The following SNX7 variants were observed in gnomAD, a reference collection of about 807,000 sequenced individuals.
SNX7 encodes the protein sorting nexin 7, also known as sorting nexin-7.
SNX7 carries 35 observed loss-of-function variants against 48.4 expected under a neutral mutation model. The ratio of observed to expected loss-of-function variants is 0.72; its 90% CI spans 0.55 to 0.96. The LOEUF is 0.96. Ranked by LOEUF, SNX7 falls within the 40% of genes least tolerant of loss-of-function variation. SNX7 has a pLI of 0.00. For missense variants in SNX7, 553 were observed against 548.9 expected (o/e 1.01, Z -0.07); for synonymous variants, 190 against 190.2 (o/e 1.00, Z 0.01).
intron 7 of SNX7, among the ~76,000 whole-genome samples, chr1:98,733,526 G>A (rs767414725): frequency 2.0e-5 from 3 of 151,996 alleles, no homozygotes; most frequent in African/African-American, 7.3e-5. Flanking sequence ...TCACCTACTC[G>A]TACTCTAGGT....
At chr1:98,730,565 A>T (rs1215882670) in intron 7 of SNX7, among the ~76,000 whole-genome samples, 1 of 152,148 alleles carries the variant, frequency 6.6e-6, no homozygotes, top group Non-Finnish European at 1.5e-5. Context: ...GTCTCAGGAT[A>T]CAAATAAATG....
At chr1:98,691,393 C>A in intron 3 of SNX7, 142 bp from the exon 4 acceptor site, 1 of 796,198 alleles carries the variant, frequency 1.3e-6, no homozygotes. Context: ...ATTTTTGGTT[C>A]TAACATTGTG....
intron 7 of SNX7, among the ~76,000 whole-genome samples, chr1:98,721,824 G>A (rs1339044031): frequency 6.6e-6 from 1 of 151,908 alleles, no homozygotes; most frequent in East Asian, 1.9e-4. Flanking sequence ...AAAAGTACAG[G>A]GAATTACATC....
chr1:98,711,399 T>A (rs1248312044), intron 7 of SNX7, among the ~76,000 whole-genome samples: 1 of 152,076 alleles, frequency 6.6e-6, no homozygotes, highest in Admixed American at 6.6e-5. Flanking sequence ...ATATATTAAA[T>A]TAAATGCATT....
intron 1 of SNX7, among the ~76,000 whole-genome samples, chr1:98,667,932 A>G (rs529788986): frequency 2.4e-4 from 37 of 151,962 alleles, no homozygotes; most frequent in African/African-American, 8.9e-4. Flanking sequence ...AAAAAAACAA[A>G]ACAAACAAAC....
intron 7 of SNX7, among the ~76,000 whole-genome samples, chr1:98,732,865 G>A (rs1653586665): frequency 6.6e-6 from 1 of 152,066 alleles, no homozygotes; most frequent in Non-Finnish European, 1.5e-5. Flanking sequence ...CTTGATAATG[G>A]AGAGAGGTCT....
intron 8 of SNX7, 81 bp from the exon 9 acceptor site, chr1:98,759,973 A>C: frequency 1.1e-6 from 1 of 886,016 alleles, no homozygotes; most frequent in Non-Finnish European, 1.9e-6. Context: ...CAGTAGGAAC[A>C]GATGTGTTAG....
chr1:98,663,253 GTTTTTTTTTTTTTTTTTTTTTT>G (rs61588201), intron 1 of SNX7, among the ~76,000 whole-genome samples: 1 of 41,508 alleles, frequency 2.4e-5, no homozygotes, highest in African/African-American at 7.5e-5. Context: ...TTTCTTTCTG[GTTTTTTTTTTTTTTTTTTTTTT>G]TTTTTTTTTT....
chr1:98,732,706 A>G (rs573491495), intron 7 of SNX7, among the ~76,000 whole-genome samples: 20 of 152,242 alleles, frequency 1.3e-4, no homozygotes, highest in African/African-American at 4.8e-4. Context: ...AAGAGGTATC[A>G]AAGAGGTCAG....
At chr1:98,667,942 CA>C (rs199518789) in intron 1 of SNX7, among the ~76,000 whole-genome samples, 14 of 149,696 alleles carry the variant, frequency 9.4e-5, no homozygotes, top group Middle Eastern at 3.5e-3. Context: ...AACAAACAAA[CA>C]AAAAAAACAA....
At chr1:98,685,120 G>A in intron 2 of SNX7, 53 bp downstream of exon 2, 1 of 1,097,094 alleles carries the variant, frequency 9.1e-7, no homozygotes, top group African/African-American at 1.6e-5. Context: ...TTTAAGCTTT[G>A]GAAGTAAGTA....
At chr1:98,667,848 C>T (rs1649620637) in intron 1 of SNX7, among the ~76,000 whole-genome samples, 1 of 151,676 alleles carries the variant, frequency 6.6e-6, no homozygotes, top group African/African-American at 2.4e-5. Flanking sequence ...TGTATGTTCC[C>T]CTTTCCCTAA....
intron 8 of SNX7, among the ~76,000 whole-genome samples, chr1:98,744,917 T>A (rs1054826643): frequency 6.6e-6 from 1 of 152,002 alleles, no homozygotes; most frequent in Non-Finnish European, 1.5e-5. Context: ...AGACCTTTAC[T>A]TACCCAGAAG....
intron 7 of SNX7, among the ~76,000 whole-genome samples, chr1:98,736,627 C>CA (rs1163950352): frequency 6.6e-6 from 1 of 152,130 alleles, no homozygotes; most frequent in Non-Finnish European, 1.5e-5. Flanking sequence ...AAATAAAACA[C>CA]AGACACAGAC....
At chr1:98,725,482 T>G (rs943653330) in intron 7 of SNX7, among the ~76,000 whole-genome samples, 1 of 152,278 alleles carries the variant, frequency 6.6e-6, no homozygotes, top group East Asian at 1.9e-4. Context: ...GTATGGTACT[T>G]GGCATGAAGT....
At chr1:98,704,243 A>G (rs1402851242) in intron 7 of SNX7, among the ~76,000 whole-genome samples, 1 of 152,206 alleles carries the variant, frequency 6.6e-6, no homozygotes, top group Non-Finnish European at 1.5e-5. Context: ...TAGCTGCTAC[A>G]TTGTAAGACT....
chr1:98,709,881 T>C (rs1652209680), intron 7 of SNX7, among the ~76,000 whole-genome samples: 2 of 152,206 alleles, frequency 1.3e-5, no homozygotes, highest in Admixed American at 6.5e-5. Context: ...GTCTTTACTT[T>C]CTGTCTTTAA....
intron 4 of SNX7, 43 bp downstream of exon 4, chr1:98,691,742 G>A: frequency 1.4e-6 from 2 of 1,440,992 alleles, no homozygotes; most frequent in South Asian, 2.8e-5. Flanking sequence ...TTGGGTGTCT[G>A]TATCTATAGT....
intron 1 of SNX7, among the ~76,000 whole-genome samples, chr1:98,669,589 C>G (rs950752117): frequency 1.3e-5 from 2 of 152,196 alleles, no homozygotes; most frequent in Non-Finnish European, 2.9e-5. Context: ...AGTCTCAGAC[C>G]CCAGTGAATT....
Sources: allele counts gnomAD v4.1 joint callset (sites outside exome capture counted in the v4.1 genomes callset), GRCh38; gene constraint gnomAD v4.1.1; transcripts MANE v1.5; gene names NCBI Gene and HGNC (gene_info 2026-07-23, HGNC 2026-07-21).